FBLN2: variants seen among roughly 807,000 people sequenced by gnomAD.
The protein encoded by FBLN2 is fibulin 2.
Under a neutral mutation model 123.7 loss-of-function variants are expected in FBLN2, and 81 were observed. The ratio of observed to expected loss-of-function variants is 0.65; its 90% CI spans 0.55 to 0.79. The LOEUF (loss-of-function observed/expected upper bound fraction) is 0.79. Among genes scored for constraint, FBLN2 ranks in the 30% least tolerant of loss-of-function variants. FBLN2 has a pLI of 0.00. For missense variants in FBLN2, 1,603 were observed against 1,681.3 expected (o/e 0.95, Z 0.81); for synonymous variants, 699 against 701.4 (o/e 1.00, Z 0.05).
intron 5 of FBLN2, among the ~76,000 whole-genome samples, chr3:13,617,798 A>T (rs115388572): frequency 0.028 from 3,370 of 118,338 alleles, 151 homozygotes; most frequent in African/African-American, 0.1. Context: ...CCATCCACCC[A>T]CCCATCCACT....
chr3:13,551,119 T>G (rs1703311334), intron 1 of FBLN2, among the ~76,000 whole-genome samples: 1 of 152,198 alleles, frequency 6.6e-6, no homozygotes, highest in South Asian at 2.1e-4. Flanking sequence ...CTGGCCTGCG[T>G]GGCCTTTGTG....
chr3:13,554,172 C>T (rs1703402716), intron 1 of FBLN2, among the ~76,000 whole-genome samples: 1 of 152,244 alleles, frequency 6.6e-6, no homozygotes, highest in Non-Finnish European at 1.5e-5. Flanking sequence ...CAGGCCCACT[C>T]TGGGGAGGCG....
intron 16 of FBLN2, among the ~76,000 whole-genome samples, 200 bp downstream of exon 16, chr3:13,631,657 C>T (rs750275451): frequency 2.0e-5 from 3 of 152,222 alleles, no homozygotes; most frequent in Admixed American, 6.5e-5. Context: ...TGCTGCTGCT[C>T]AATCCAGCTT....
At chr3:13,629,770 A>T in intron 13 of FBLN2, 50 bp from the exon 14 acceptor site, 1 of 1,536,038 alleles carries the variant, frequency 6.5e-7, no homozygotes, top group Non-Finnish European at 8.8e-7. Flanking sequence ...GGGTGGAGGG[A>T]GCTGGCTTTA....
At chr3:13,549,282 G>T (rs1703259505) in intron 1 of FBLN2, 74 bp downstream of exon 1, 2 of 926,814 alleles carry the variant, frequency 2.2e-6, no homozygotes, top group Non-Finnish European at 2.6e-6. Flanking sequence ...ACTCGGGGGC[G>T]CTCGGACGCA....
intron 9 of FBLN2, among the ~76,000 whole-genome samples, chr3:13,625,170 A>G (rs368239031): frequency 4.1e-4 from 46 of 112,188 alleles, no homozygotes; most frequent in African/African-American, 1.5e-3. Context: ...GCCCTGGGGC[A>G]GTTTCTGAGT....
intron 1 of FBLN2, among the ~76,000 whole-genome samples, chr3:13,557,082 T>C (rs1311522463): frequency 6.6e-6 from 1 of 152,272 alleles, no homozygotes; most frequent in East Asian, 1.9e-4. Flanking sequence ...CTTTCTTTTA[T>C]TTCCACTTCA....
chr3:13,618,313 G>A (rs375511809), intron 6 of FBLN2, 28 bp downstream of exon 6: 56 of 1,608,932 alleles, frequency 3.5e-5, no homozygotes, highest in Non-Finnish European at 4.5e-5. Context: ...CAGGGCAGGG[G>A]CTATGGGAAG....
chr3:13,621,869 G>A lies in FBLN2; in HGVS notation c.2250G>A (p.Val750=). Residue 750 remains valine, a synonymous_variant, in exon 9 of 18, where the codon GTG becomes GTA. Transcript: ENST00000404922. ...CCTTCTACTGTGTCAACCACACAGT[G>A]CTCTGTGCCGATGGCTATATCCTCA... The part of the protein sequence containing the change: ...LGSFYCVNHT[V]LCADGYILNA... The A allele has an allele frequency of 6.2e-7, 1 of 1,613,958 alleles. No individual in the cohort carries two copies. The highest frequency in any genetic ancestry group is 1.3e-5 in the African/African-American group (1 of 75,058).
At position 13,588,073 on chromosome 3, in the gene FBLN2, CCT is replaced by C. The variant is rs969890524; in HGVS notation, c.1306+16413_1306+16414del. Among the ~76,000 whole-genome samples, 199 of 152,346 alleles carry C rather than the reference CCT, an allele frequency of 1.3e-3. 1 individual carries two copies. Among genetic ancestry groups the C allele is most frequent in the Non-Finnish European group, 1.2e-4 (8 of 68,038 alleles). On this transcript the variant is annotated intron_variant, in intron 2 of 17. Transcript: ENST00000404922. ...AAAATACTTTCTGAATTAACTGAGACCTGTCTCAGATTTTCTGGGCCTGCAGG... is the reference window on the plus strand; with the variant it reads ...AAAATACTTTCTGAATTAACTGAGACGTCTCAGATTTTCTGGGCCTGCAGG...
intron 2 of FBLN2, among the ~76,000 whole-genome samples, chr3:13,604,746 T>A (rs1397307995): frequency 6.6e-6 from 1 of 152,246 alleles, no homozygotes; most frequent in Non-Finnish European, 1.5e-5. Flanking sequence ...CAGTTCTCAT[T>A]CCTCTCAGTG....
chr3:13,631,879 C>T (rs1323123655), intron 16 of FBLN2, among the ~76,000 whole-genome samples: 4 of 152,150 alleles, frequency 2.6e-5, no homozygotes, highest in Non-Finnish European at 5.9e-5. Context: ...GGGCGGGATC[C>T]TGGGGAGTAG....
chr3:13,571,612 G>A lies in FBLN2; in HGVS notation c.1257G>A (p.Glu419=). The change falls in exon 2 of 18, where the codon GAG becomes GAA. Residue 419 remains glutamate (E), a synonymous_variant. Transcript: ENST00000404922. Reference sequence around the variant, plus strand: ...TTCTGCCCCATTCCCACGTGGAGGAGGACACAGACCCCAACTCTGTCCATT... The same window carrying A: ...TTCTGCCCCATTCCCACGTGGAGGAAGACACAGACCCCAACTCTGTCCATT... ...PQVLPHSHVE[E]DTDPNSVHSI... 1 of 1,611,850 alleles carries A rather than the reference G, an allele frequency of 6.2e-7. No individual in the cohort carries two copies.
At chr3:13,567,649 C>T (rs896674995) in intron 1 of FBLN2, among the ~76,000 whole-genome samples, 6 of 152,114 alleles carry the variant, frequency 3.9e-5, no homozygotes, top group African/African-American at 1.4e-4. Context: ...TGAGCCACCT[C>T]GCCTGGCCAA....
intron 2 of FBLN2, among the ~76,000 whole-genome samples, chr3:13,572,594 C>A (rs534280821): frequency 1.3e-5 from 2 of 152,248 alleles, no homozygotes; most frequent in Non-Finnish European, 2.9e-5. Context: ...AGATAGGGAC[C>A]GGCCCAAGGC....
chr3:13,550,624 GGT>G (rs1703297552), intron 1 of FBLN2, among the ~76,000 whole-genome samples: 1 of 152,198 alleles, frequency 6.6e-6, no homozygotes, highest in Non-Finnish European at 1.5e-5. Context: ...ATTGGGAGCT[GGT>G]GTGTGTTTGT....
At chr3:13,621,121 C>T (rs190606646) in intron 8 of FBLN2, among the ~76,000 whole-genome samples, 30 of 152,354 alleles carry the variant, frequency 2.0e-4, no homozygotes, top group African/African-American at 6.7e-4. Flanking sequence ...ATCCCCAGGA[C>T]CCCCTCCCTC....
chr3:13,598,037 A>G (rs1186016132), intron 2 of FBLN2, among the ~76,000 whole-genome samples: 1 of 152,228 alleles, frequency 6.6e-6, no homozygotes, highest in African/African-American at 2.4e-5. Context: ...AGCTCCTGCA[A>G]AGCAGCAAAG....
intron 2 of FBLN2, among the ~76,000 whole-genome samples, chr3:13,582,118 C>T (rs1053073787): frequency 5.9e-5 from 9 of 152,158 alleles, no homozygotes; most frequent in African/African-American, 1.7e-4. Flanking sequence ...GCAGGGGAGG[C>T]CTGCCACAGA....
Sources: gnomAD v4.1 joint callset for allele counts (sites outside exome capture counted in the v4.1 genomes callset) on GRCh38, gnomAD v4.1.1 for gene constraint, MANE v1.5 for transcripts, NCBI Gene and HGNC (gene_info 2026-07-23, HGNC 2026-07-21) for gene names.